MMS22L: variants seen among roughly 807,000 people sequenced by gnomAD.
MMS22L encodes the protein protein MMS22-like.
In MMS22L, 74 loss-of-function variants were observed where a neutral mutation model predicts 159.1. That is an observed-to-expected ratio of 0.47 (90% CI 0.39 to 0.56). MMS22L has a LOEUF of 0.56. MMS22L is among the 20% of genes least tolerant of loss of function. MMS22L has a pLI of 0.00. For synonymous variants in MMS22L, 517 were observed against 506.9 expected, an observed-to-expected ratio of 1.02 and a Z score of -0.27; for missense variants, 1,351 against 1,422.1, an observed-to-expected ratio of 0.95 and a Z score of 0.80.
chr6:97,283,796 G>T (rs1465355807), upstream of MMS22L, among the ~76,000 whole-genome samples: 1 of 152,076 alleles, frequency 6.6e-6, no homozygotes, highest in Non-Finnish European at 1.5e-5. Context: ...ACCATATTCC[G>T]AGCCATAAAA....
chr6:97,192,743 T>C (rs1054593151), intron 14 of MMS22L, among the ~76,000 whole-genome samples: 3 of 152,212 alleles, frequency 2.0e-5, no homozygotes, highest in African/African-American at 7.2e-5. Context: ...AAAGAGTAAC[T>C]ATTAGGGTTG....
chr6:97,267,402 T>A (rs1582847033), intron 8 of MMS22L: 1 of 152,086 alleles, frequency 6.6e-6, no homozygotes, highest in East Asian at 1.9e-4. Context: ...CATAATTTAA[T>A]AAAAACACAT....
intron 14 of MMS22L, among the ~76,000 whole-genome samples, chr6:97,228,456 C>A (rs35851468): frequency 0.082 from 12,468 of 152,196 alleles, 948 homozygotes; most frequent in African/African-American, 0.2. Flanking sequence ...CATGACACTA[C>A]AAGTGGAAAA....
intron 7 of MMS22L, 134 bp downstream of exon 7, chr6:97,269,768 A>C (rs1449921068): frequency 1.3e-5 from 8 of 624,152 alleles, no homozygotes; most frequent in African/African-American, 3.7e-5. Flanking sequence ...GAAAGGAGTA[A>C]AACTTTTACT....
intron 14 of MMS22L, among the ~76,000 whole-genome samples, chr6:97,215,697 T>G (rs1582650779): frequency 1.3e-5 from 2 of 152,130 alleles, no homozygotes. Context: ...AAATCATTCA[T>G]CTTCCACCCG....
intron 10 of MMS22L, chr6:97,253,493 C>G (rs1429479281): frequency 1.4e-5 from 2 of 143,076 alleles, no homozygotes; most frequent in Non-Finnish European, 3.0e-5. Context: ...TGGTGTCTCA[C>G]TCTGTTGCCC....
chr6:97,228,838 C>A, intron 14 of MMS22L, 56 bp downstream of exon 14: 2 of 1,462,982 alleles, frequency 1.4e-6, no homozygotes, highest in South Asian at 2.8e-5. Context: ...ATATAAAATC[C>A]ACATAAGTAA....
chr6:97,147,096 T>C (rs1467275016), intron 24 of MMS22L, among the ~76,000 whole-genome samples: 2 of 152,270 alleles, frequency 1.3e-5, no homozygotes, highest in Non-Finnish European at 2.9e-5. Flanking sequence ...GTATGATTTT[T>C]ATATATAAAA....
chr6:97,177,134 A>G (rs1804206371), intron 18 of MMS22L, among the ~76,000 whole-genome samples: 2 of 152,108 alleles, frequency 1.3e-5, no homozygotes, highest in South Asian at 4.2e-4. Flanking sequence ...CTTTTGGCCA[A>G]CAGTTCTCTG....
intron 14 of MMS22L, among the ~76,000 whole-genome samples, chr6:97,212,523 T>A (rs1337058664): frequency 6.6e-6 from 1 of 152,196 alleles, no homozygotes; most frequent in Non-Finnish European, 1.5e-5. Context: ...GTAATGATTA[T>A]AAAAGCAATC....
At chr6:97,203,373 G>T (rs1807391627) in intron 14 of MMS22L, among the ~76,000 whole-genome samples, 1 of 152,122 alleles carries the variant, frequency 6.6e-6, no homozygotes, top group South Asian at 2.1e-4. Context: ...GCTCTAGAGG[G>T]TCTGGCTACA....
intron 8 of MMS22L, chr6:97,267,002 T>A (rs1222576293): frequency 1.3e-5 from 2 of 152,134 alleles, no homozygotes; most frequent in Non-Finnish European, 2.9e-5. Context: ...ACACAAAAAA[T>A]AAGAATGTGA....
chr6:97,218,539 T>G (rs1809274409), intron 14 of MMS22L, among the ~76,000 whole-genome samples: 1 of 152,206 alleles, frequency 6.6e-6, no homozygotes, highest in Admixed American at 6.5e-5. Flanking sequence ...ATATCCTAAG[T>G]GCCTACTATC....
At chr6:97,170,732 T>C (rs1206127) in intron 19 of MMS22L, among the ~76,000 whole-genome samples, 67,967 of 152,058 alleles carry the variant, frequency 0.45, 15,359 homozygotes, top group South Asian at 0.53. Flanking sequence ...AAAAGCTGCG[T>C]ACAGCGGCTC....
At chr6:97,213,096 A>G (rs1301219126) in intron 14 of MMS22L, among the ~76,000 whole-genome samples, 1 of 152,018 alleles carries the variant, frequency 6.6e-6, no homozygotes, top group African/African-American at 2.4e-5. Flanking sequence ...TGTCTTTGAT[A>G]TTTTTTTCTG....
chr6:97,277,954 A>G (rs1289334118), intron 4 of MMS22L, among the ~76,000 whole-genome samples: 2 of 152,206 alleles, frequency 1.3e-5, no homozygotes, highest in Non-Finnish European at 2.9e-5. Flanking sequence ...AACACGCTCA[A>G]CAAAGTTAGA....
intron 20 of MMS22L, 22 bp from the exon 21 acceptor site, chr6:97,165,479 AAT>A: frequency 6.3e-7 from 1 of 1,591,666 alleles, no homozygotes. Context: ...AAAAGTAAGA[AAT>A]ACTAAGAGGT....
chr6:97,158,944 G>A (rs1005792496), intron 22 of MMS22L, among the ~76,000 whole-genome samples: 1 of 152,064 alleles, frequency 6.6e-6, no homozygotes, highest in Non-Finnish European at 1.5e-5. Flanking sequence ...GGGAGTGTAA[G>A]TCTCTTTGTA....
At chr6:97,265,362 T>C (rs1004211757) in intron 8 of MMS22L, 3 of 152,004 alleles carry the variant, frequency 2.0e-5, no homozygotes, top group Admixed American at 1.3e-4. Context: ...TCAAAATAAA[T>C]TAAAGACTTA....
Sources: allele counts gnomAD v4.1 joint callset (sites outside exome capture counted in the v4.1 genomes callset), GRCh38; gene constraint gnomAD v4.1.1; transcripts MANE v1.5; gene names NCBI Gene and HGNC (gene_info 2026-07-23, HGNC 2026-07-21).